Variants in NCAM1 observed in about 807,000 individuals in gnomAD.
NCAM1 encodes the protein neural cell adhesion molecule 1.
Under a neutral mutation model 109.8 loss-of-function variants are expected in NCAM1, and 14 were observed. The ratio of observed to expected loss-of-function variants is 0.13; its 90% CI spans 0.08 to 0.20. The LOEUF is 0.20. Ranked by LOEUF, NCAM1 falls within the 10% of genes least tolerant of loss-of-function variation. The pLI, the probability that NCAM1 is intolerant of heterozygous loss-of-function variation, is 1.00. For missense variants in NCAM1, 774 were observed against 1,109.9 expected (o/e 0.70, Z 4.30); for synonymous variants, 418 against 442.9 (o/e 0.94, Z 0.70).
chr11:113,271,551 A>G (rs782651948), intron 18 of NCAM1, among the ~76,000 whole-genome samples: 5 of 152,002 alleles, frequency 3.3e-5, no homozygotes, highest in Non-Finnish European at 7.4e-5. Flanking sequence ...TTTTTGCCTC[A>G]TTTTACAGAT....
At chr11:113,225,277 A>T (rs1298107814) in intron 9 of NCAM1, among the ~76,000 whole-genome samples, 5 of 152,250 alleles carry the variant, frequency 3.3e-5, no homozygotes, top group African/African-American at 9.6e-5. Flanking sequence ...CGAGAACTAC[A>T]TGATGAATGC....
At chr11:113,229,171 T>C (rs1193807738) in intron 9 of NCAM1, among the ~76,000 whole-genome samples, 1 of 152,158 alleles carries the variant, frequency 6.6e-6, no homozygotes, top group Non-Finnish European at 1.5e-5. Context: ...AGAAAATTTT[T>C]GCAATCTACT....
chr11:113,235,000 G>C lies in NCAM1; in HGVS notation c.1694-33G>C, dbSNP rs566888378. 3.5e-5 allele frequency: 53 copies of C among 1,530,878 alleles called. 1 individual carries two copies. In the African/African-American group the frequency reaches 6.9e-4, roughly 20 times the overall value. 94.8% of individuals were successfully genotyped at this position (1,530,878 alleles called of 1,614,324 possible). A position where few individuals can be genotyped will look rare whatever the true frequency, so the allele number is the denominator to read the frequency against. ...GAGCGGCTGCACCATTTTAACAATAGACTCTTTTGTCATCCTTCCCATATT... is the reference window on the plus strand; with the variant it reads ...GAGCGGCTGCACCATTTTAACAATACACTCTTTTGTCATCCTTCCCATATT... On this transcript the variant is annotated intron_variant, in intron 13 of 19. Transcript: ENST00000316851.
At chr11:113,185,141 G>C (rs1269712991) in intron 1 of NCAM1, among the ~76,000 whole-genome samples, 1 of 149,508 alleles carries the variant, frequency 6.7e-6, no homozygotes, top group Non-Finnish European at 1.5e-5. Context: ...GGCTTACACA[G>C]TTATGGAGGC....
intron 1 of NCAM1, among the ~76,000 whole-genome samples, chr11:113,034,275 CTT>C (rs57374396): frequency 6.8e-6 from 1 of 147,976 alleles, no homozygotes; most frequent in Non-Finnish European, 1.5e-5. Flanking sequence ...GGACAATAGA[CTT>C]TTTTTTTTTC....
rs1254307069 is a variant in NCAM1, at chr11:112,964,140, GT to G, written c.52+2490del. 2.5e-4 allele frequency among the ~76,000 whole-genome samples: 18 copies of G among 72,908 alleles called. No homozygotes were observed. The South Asian group carries it at 4.8e-3, about 19-fold the overall frequency. 47.8% of individuals were successfully genotyped at this position (72,908 alleles called of 152,430 possible). ...TATATATATCTGAGGTTTTTTTTTT[GT>G]TTTTTTTTTTTTTGTTTTTTTTTTG... On this transcript the variant is annotated intron_variant, in intron 1 of 19. Coordinates refer to ENST00000316851, the MANE Select transcript of NCAM1 (RefSeq NM_181351.5).
rs187252647 is a variant in NCAM1, at chr11:113,141,049, T to C, written c.53-61330T>C. Reference sequence around the variant, plus strand: ...TTATGCTTTCATTATTAGTATTATCTTCAATACACTATGTTTTTGTGGGAA... The same window carrying C: ...TTATGCTTTCATTATTAGTATTATCCTCAATACACTATGTTTTTGTGGGAA... On this transcript the variant is annotated intron_variant, in intron 1 of 19. Coordinates refer to ENST00000316851, the MANE Select transcript of NCAM1 (RefSeq NM_181351.5). 7.0e-3 allele frequency among the ~76,000 whole-genome samples: 1,065 copies of C among 152,316 alleles called. 9 individuals are homozygous for C. The highest frequency in any genetic ancestry group is 0.01 in the Non-Finnish European group (709 of 68,032).
In NCAM1 at chr11:113,009,107, C is replaced by T. The variant is rs116942664; in HGVS notation, c.52+47443C>T. Among the ~76,000 whole-genome samples, 227 of 152,142 alleles carry T rather than the reference C, an allele frequency of 1.5e-3. 2 individuals carry two copies. The highest frequency in any genetic ancestry group is 4.9e-3 in the African/African-American group (202 of 41,500). Reference sequence around the variant, plus strand: ...ACTGAGCCTTGAACTCAGTTTCTGACGGAAACTCATAGACATTATGTTTGG... The same window carrying T: ...ACTGAGCCTTGAACTCAGTTTCTGATGGAAACTCATAGACATTATGTTTGG... On this transcript the variant is annotated intron_variant, in intron 1 of 19. Coordinates refer to ENST00000316851, the MANE Select transcript of NCAM1 (RefSeq NM_181351.5).
intron 1 of NCAM1, among the ~76,000 whole-genome samples, chr11:113,104,422 A>G (rs1261601104): frequency 3.9e-5 from 6 of 152,124 alleles, no homozygotes; most frequent in African/African-American, 1.2e-4. Context: ...GAAAAAGATC[A>G]TGATGAAATA....
chr11:112,965,458 A>G (rs1348416024), intron 1 of NCAM1, among the ~76,000 whole-genome samples: 2 of 152,204 alleles, frequency 1.3e-5, no homozygotes, highest in Admixed American at 6.5e-5. Flanking sequence ...GAAGTAACCT[A>G]TATCTGTATT....
chr11:112,997,125 TTCCTGGGCTTCC>T lies in NCAM1; in HGVS notation c.52+35467_52+35478del, dbSNP rs1345354651. On this transcript the variant is annotated intron_variant, in intron 1 of 19. Transcript: ENST00000316851. ...ATGCACTAGGCAGGGTTCACTCCCT[TTCCTGGGCTTCC>T]TCCTGTTTATGAGAAAGTTAATCAG... 2.6e-5 allele frequency among the ~76,000 whole-genome samples: 4 copies of T among 151,414 alleles called. No homozygotes were observed. The East Asian group carries it at 7.8e-4, about 30-fold the overall frequency.
chr11:112,983,823 G>T (rs1023067938), intron 1 of NCAM1, among the ~76,000 whole-genome samples: 3 of 151,906 alleles, frequency 2.0e-5, no homozygotes, highest in African/African-American at 7.2e-5. Flanking sequence ...ATAACAAAGT[G>T]ATTACTATAG....
intron 1 of NCAM1, among the ~76,000 whole-genome samples, chr11:112,974,892 G>C (rs1349291149): frequency 6.6e-6 from 1 of 151,662 alleles, no homozygotes; most frequent in Admixed American, 6.6e-5. Context: ...TTTAATTTTG[G>C]AGCAGACTCA....
intron 17 of NCAM1, chr11:113,264,743 G>T: frequency 2.0e-6 from 2 of 985,446 alleles, no homozygotes; most frequent in Non-Finnish European, 2.4e-6. Flanking sequence ...ACGTGGCCCT[G>T]TCATCTCAAC....
intron 14 of NCAM1, 125 bp from the exon 15 acceptor site, chr11:113,246,242 AT>A (rs1555120177): frequency 1.6e-5 from 10 of 620,632 alleles, no homozygotes; most frequent in Middle Eastern, 3.5e-4. Flanking sequence ...TCAGTTTTTA[AT>A]TTTTTTGTAT....
rs1555062909 is a variant in NCAM1 at position 112,961,579 on chromosome 11, C to T, written c.-34C>T. 7 of 1,371,210 alleles carry T rather than the reference C, an allele frequency of 5.1e-6. No individual in the cohort carries two copies. Among genetic ancestry groups the T allele is most frequent in the African/African-American group, 1.4e-5 (1 of 69,856 alleles). 84.9% of individuals were successfully genotyped at this position (1,371,210 alleles called of 1,614,324 possible). A position where few individuals can be genotyped will look rare whatever the true frequency, so the allele number is the denominator to read the frequency against. On this transcript the variant is annotated 5_prime_UTR_variant, in exon 1 of 20. Coordinates refer to ENST00000316851, the MANE Select transcript of NCAM1 (RefSeq NM_181351.5). Reference sequence around the variant, plus strand: ...AGGGGGGGGGGCACAGAATTTACCGCGGCAAGAACATCCCTCCCAGCCAGC... The same window carrying T: ...AGGGGGGGGGGCACAGAATTTACCGTGGCAAGAACATCCCTCCCAGCCAGC...
chr11:113,094,455 G>C (rs1939501166), intron 1 of NCAM1, among the ~76,000 whole-genome samples: 1 of 152,136 alleles, frequency 6.6e-6, no homozygotes, highest in Admixed American at 6.5e-5. Context: ...TGTTCCCTTA[G>C]TCTTCCTCAT....
At chr11:113,264,397 G>T in intron 17 of NCAM1, 2 of 985,400 alleles carry the variant, frequency 2.0e-6, no homozygotes, top group South Asian at 9.4e-5. Context: ...GCAGACATCA[G>T]AGGCTCCATG....
At chr11:113,088,921 T>C (rs1033525623) in intron 1 of NCAM1, among the ~76,000 whole-genome samples, 9 of 152,328 alleles carry the variant, frequency 5.9e-5, no homozygotes, top group Admixed American at 1.3e-4. Context: ...ATAGCTATAA[T>C]TGGCAACAGT....
Sources: allele counts gnomAD v4.1 joint callset (sites outside exome capture counted in the v4.1 genomes callset), GRCh38; gene constraint gnomAD v4.1.1; transcripts MANE v1.5; gene names NCBI Gene and HGNC (gene_info 2026-07-23, HGNC 2026-07-21).